TPO: variants seen among roughly 807,000 people sequenced by gnomAD.
TPO encodes the protein thyroid microsomal antigen.
TPO carries 78 observed loss-of-function variants against 96.9 expected under a neutral mutation model. The ratio of observed to expected loss-of-function variants is 0.81; its 90% confidence interval spans 0.67 to 0.97. TPO has a LOEUF of 0.97. Ranked by LOEUF, TPO falls within the 50% of genes least tolerant of loss-of-function variation. TPO has a pLI of 0.00. For synonymous variants in TPO, 547 were observed against 538.0 expected, an observed-to-expected ratio of 1.02 and a Z score of -0.23; for missense variants, 1,252 against 1,274.8, an observed-to-expected ratio of 0.98 and a Z score of 0.27.
At chr2:1,464,242 G>A (rs532717673) in intron 7 of TPO, among the ~76,000 whole-genome samples, 20 of 152,242 alleles carry the variant, frequency 1.3e-4, no homozygotes, top group African/African-American at 4.6e-4. Flanking sequence ...CCTTTTTATG[G>A]CTGAGTAGTA....
chr2:1,496,893 C>G (rs867983), intron 13 of TPO, 128 bp downstream of exon 13: 1 of 1,413,862 alleles, frequency 7.1e-7, no homozygotes, highest in Non-Finnish European at 9.7e-7. Flanking sequence ...CAGGAGCAAT[C>G]TGGGGATAGA....
chr2:1,482,799 A>G (rs540500122), intron 8 of TPO, among the ~76,000 whole-genome samples: 1 of 152,124 alleles, frequency 6.6e-6, no homozygotes, highest in African/African-American at 2.4e-5. Context: ...TCAGCCACCC[A>G]AGTAGCTGGG....
At chr2:1,508,754 C>A (rs1389651255) in intron 14 of TPO, among the ~76,000 whole-genome samples, 1 of 151,948 alleles carries the variant, frequency 6.6e-6, no homozygotes, top group South Asian at 2.1e-4. Flanking sequence ...TTTTTTGTTG[C>A]GTCTATTTGA....
intron 7 of TPO, among the ~76,000 whole-genome samples, chr2:1,463,721 A>G (rs1013339072): frequency 5.3e-5 from 8 of 152,132 alleles, no homozygotes; most frequent in African/African-American, 1.9e-4. Context: ...GTGGGGGTGC[A>G]GGCAGCCCGA....
chr2:1,397,677 T>G (rs1662103341), intron 1 of TPO, among the ~76,000 whole-genome samples: 3 of 152,142 alleles, frequency 2.0e-5, no homozygotes, highest in Admixed American at 2.0e-4. Context: ...CTGGTCCTTG[T>G]TGTTGCTCTC....
intron 3 of TPO, among the ~76,000 whole-genome samples, chr2:1,429,779 G>T (rs1573146112): frequency 6.6e-6 from 1 of 152,198 alleles, no homozygotes; most frequent in Admixed American, 6.5e-5. Context: ...TGATGACTTG[G>T]AGTATCTGGC....
chr2:1,418,508 C>T (rs1387786460), intron 2 of TPO, among the ~76,000 whole-genome samples: 4 of 152,042 alleles, frequency 2.6e-5, no homozygotes, highest in African/African-American at 9.7e-5. Context: ...CCTGAAAATT[C>T]TGTAATAAGA....
intron 9 of TPO, among the ~76,000 whole-genome samples, chr2:1,486,420 C>T (rs12472829): frequency 0.3 from 45,184 of 151,862 alleles, 6,816 homozygotes; most frequent in Admixed American, 0.34. Flanking sequence ...TGCCTGTAGT[C>T]AGCTACTCAG....
At chr2:1,461,865 G>GC (rs988174996) in intron 7 of TPO, among the ~76,000 whole-genome samples, 3 of 152,172 alleles carry the variant, frequency 2.0e-5, no homozygotes, top group African/African-American at 7.2e-5. Flanking sequence ...GGGCAGGGGG[G>GC]GCCGTGGCGA....
intron 15 of TPO, among the ~76,000 whole-genome samples, chr2:1,517,455 C>T (rs1019424500): frequency 6.6e-6 from 1 of 152,176 alleles, no homozygotes; most frequent in African/African-American, 2.4e-5. Flanking sequence ...CCTGAGAGGC[C>T]CTGCCCTGTG....
chr2:1,479,196 G>T (rs1670301424), intron 8 of TPO, among the ~76,000 whole-genome samples: 1 of 152,208 alleles, frequency 6.6e-6, no homozygotes, highest in Admixed American at 6.5e-5. Context: ...CCACACGCGT[G>T]GGGAGGCAGG....
intron 7 of TPO, among the ~76,000 whole-genome samples, chr2:1,460,300 T>G (rs1668303062): frequency 6.6e-6 from 1 of 152,146 alleles, no homozygotes; most frequent in South Asian, 2.1e-4. Context: ...AGCTGTTAGA[T>G]CTTGCAGAAG....
intron 8 of TPO, among the ~76,000 whole-genome samples, chr2:1,482,248 C>T (rs974037724): frequency 6.6e-6 from 1 of 152,188 alleles, no homozygotes; most frequent in Non-Finnish European, 1.5e-5. Flanking sequence ...TGCTGGGGTC[C>T]TGGCTTCCCG....
intron 14 of TPO, among the ~76,000 whole-genome samples, chr2:1,510,638 T>C (rs1674008597): frequency 6.6e-6 from 1 of 152,156 alleles, no homozygotes; most frequent in Non-Finnish European, 1.5e-5. Context: ...CAAAGATGTG[T>C]TGGTGCCTAA....
At chr2:1,469,504 A>G (rs1669191554) in intron 7 of TPO, among the ~76,000 whole-genome samples, 1 of 152,100 alleles carries the variant, frequency 6.6e-6, no homozygotes, top group Non-Finnish European at 1.5e-5. Flanking sequence ...ACCAAGTTCA[A>G]ATTGTTACAA....
chr2:1,530,370 A>C (rs62117037), intron 15 of TPO, among the ~76,000 whole-genome samples: 136,423 of 136,590 alleles, frequency 1, 68,129 homozygotes, highest in Admixed American at 1. Context: ...GTCCCCAAAT[A>C]TCCCCAGTGT....
chr2:1,528,060 T>A (rs1338812347), intron 15 of TPO, among the ~76,000 whole-genome samples: 1 of 141,140 alleles, frequency 7.1e-6, no homozygotes, highest in Admixed American at 7.0e-5. Context: ...CCCCACTGTG[T>A]GCAACCCCCC....
At chr2:1,523,682 T>C (rs1329419435) in intron 15 of TPO, among the ~76,000 whole-genome samples, 11 of 114,440 alleles carry the variant, frequency 9.6e-5, no homozygotes, top group African/African-American at 3.5e-4. Flanking sequence ...CACCCCACTG[T>C]GTGCAGCCTC....
intron 2 of TPO, among the ~76,000 whole-genome samples, chr2:1,416,756 T>G (rs951898474): frequency 7.2e-5 from 11 of 152,242 alleles, no homozygotes; most frequent in African/African-American, 2.7e-4. Flanking sequence ...TTAATAGTTG[T>G]TTTGCAGCTT....
Sources: gnomAD v4.1 joint callset for allele counts (sites outside exome capture counted in the v4.1 genomes callset) on GRCh38, gnomAD v4.1.1 for gene constraint, MANE v1.5 for transcripts, NCBI Gene and HGNC (gene_info 2026-07-23, HGNC 2026-07-21) for gene names.